TRIM13: variants seen among roughly 807,000 people sequenced by gnomAD.
TRIM13 encodes tripartite motif containing 13.
TRIM13 carries 15 observed loss-of-function variants against 27.1 expected under a neutral mutation model. The observed-to-expected ratio is 0.55, with a 90% CI of 0.37 to 0.85. TRIM13 has a LOEUF of 0.85. Ranked by LOEUF, TRIM13 falls within the 40% of genes least tolerant of loss-of-function variation. The pLI is 0.00. For synonymous variants in TRIM13, 193 were observed against 171.5 expected (o/e 1.13, Z -0.98); for missense variants, 402 against 472.2 (o/e 0.85, Z 1.38).
chr13:50,012,624 G>A lies in TRIM13; in HGVS notation c.684G>A (p.Glu228=), dbSNP rs1875794613. 1 of 1,614,028 alleles carries A rather than the reference G, an allele frequency of 6.2e-7. No homozygotes were observed. The highest frequency in any genetic ancestry group is 1.3e-5 in the African/African-American group (1 of 74,920). Residue 228 remains glutamate, a synonymous_variant, in exon 2 of 2, where the codon GAG becomes GAA. Transcript: ENST00000378182. ...EINKLNTILQ[E]QRMAFNIAEA... ...ACAAACTCAACACCATCTTGCAGGA[G>A]CAACGGATGGCCTTTAACATTGCTG...
At position 50,016,956 on chromosome 13, in the gene TRIM13, T is replaced by A. The variant is rs903901078; in HGVS notation, c.*3792T>A. On this transcript the variant is annotated 3_prime_UTR_variant, in exon 2 of 2. Coordinates refer to ENST00000378182, the MANE Select transcript of TRIM13 (RefSeq NM_213590.3). ...CAGGAAGGATACCAGTGTCTCTCTC[T>A]CTTAGCGACACACTCCTTGGTCTTG... 10 of 166,770 alleles carry A rather than the reference T, an allele frequency of 6.0e-5. No homozygotes were observed. Among genetic ancestry groups the A allele is most frequent in the African/African-American group, 2.4e-4 (10 of 41,338 alleles). 10.3% of individuals were successfully genotyped at this position (166,770 alleles called of 1,614,324 possible). A position where few individuals can be genotyped will look rare whatever the true frequency, so the allele number is the denominator to read the frequency against.
At position 50,014,019 on chromosome 13, in the gene TRIM13, A is replaced by G. The variant is rs1182750733; in HGVS notation, c.*855A>G. 1 of 166,904 alleles carries G rather than the reference A, an allele frequency of 6.0e-6. No individual in the cohort carries two copies. Among genetic ancestry groups the G allele is most frequent in the Non-Finnish European group, 1.5e-5 (1 of 68,084 alleles). 10.3% of individuals were successfully genotyped at this position (166,904 alleles called of 1,614,324 possible). On this transcript the variant is annotated 3_prime_UTR_variant, in exon 2 of 2. Transcript: ENST00000378182. ...ATTATCACCAAAATGTGAATGGTAC[A>G]TACAAAACCTGGCATTTTCTTGTGA... is the stretch of plus-strand genomic sequence containing the variant.
At position 50,015,980 on chromosome 13, in the gene TRIM13, T is replaced by G. The variant is rs780484453; in HGVS notation, c.*2816T>G. 1.4e-5 allele frequency: 22 copies of G among 1,614,006 alleles called. No individual in the cohort carries two copies. Among genetic ancestry groups the G allele is most frequent in the Non-Finnish European group, 1.9e-5 (22 of 1,179,946 alleles). ...TAACTTTTTCCCTCCTCAGATGACC[T>G]TACTTCCACTGCCTCCACAAAGACC... On this transcript the variant is annotated 3_prime_UTR_variant, in exon 2 of 2. Transcript: ENST00000378182.
In TRIM13 at chr13:50,016,202, G is replaced by C; in HGVS notation, c.*3038G>C. 1 of 673,376 alleles carries C rather than the reference G, an allele frequency of 1.5e-6. No homozygotes were observed. The highest frequency in any genetic ancestry group is 2.5e-6 in the Non-Finnish European group (1 of 394,798). 41.7% of individuals were successfully genotyped at this position (673,376 alleles called of 1,614,324 possible). On this transcript the variant is annotated 3_prime_UTR_variant, in exon 2 of 2. Transcript: ENST00000378182. The stretch of plus-strand genomic sequence containing the variant: ...AAATAATGTTTTGGGGTAACCAGTG[G>C]AGTTGGGTAGAATGACCAAATAATT...
rs1022085105 is a variant in TRIM13, at chr13:50,015,258, C to G, written c.*2094C>G. On this transcript the variant is annotated 3_prime_UTR_variant, in exon 2 of 2. Coordinates refer to ENST00000378182, the MANE Select transcript of TRIM13 (RefSeq NM_213590.3). ...GCAGTTTTCCTTAAGCTATTTAGTT[C>G]CTCATCTGTTGCTTTTTCATTTTGT... The G allele has an allele frequency of 2.6e-6, 1 of 386,860 alleles. No individual in the cohort carries two copies. The highest frequency in any genetic ancestry group is 2.1e-5 in the African/African-American group (1 of 47,312). The allele number at this position is 386,860 out of a possible 1,614,324, so 24.0% of individuals were successfully genotyped here. A position where few individuals can be genotyped will look rare whatever the true frequency, so the allele number is the denominator to read the frequency against.
rs1387798738 is a variant in TRIM13 at position 50,015,024 on chromosome 13, C to T, written c.*1860C>T. On this transcript the variant is annotated 3_prime_UTR_variant, in exon 2 of 2. Coordinates refer to ENST00000378182, the MANE Select transcript of TRIM13 (RefSeq NM_213590.3). The stretch of plus-strand genomic sequence containing the variant: ...TAAGAAAAACGTTTAAGTCTAGCCT[C>T]TGCGTGGTAGACAGGTATGGGGAGG... The T allele has an allele frequency of 6.3e-6, 1 of 158,778 alleles. No homozygotes were observed. Among genetic ancestry groups the T allele is most frequent in the Non-Finnish European group, 1.5e-5 (1 of 66,948 alleles). The allele number at this position is 158,778 out of a possible 1,614,324, so 9.8% of individuals were successfully genotyped here.
rs1555325057 is a variant in TRIM13 at position 50,014,344 on chromosome 13, A to AAAAAAAAAAATATAT, written c.*1181_*1182insAAAAAAAAATATATA. On this transcript the variant is annotated 3_prime_UTR_variant, in exon 2 of 2. Coordinates refer to ENST00000378182, the MANE Select transcript of TRIM13 (RefSeq NM_213590.3). The stretch of plus-strand genomic sequence containing the variant: ...AAAAAAAAAAAAAAAAAAAAAAAAA[A>AAAAAAAAAAATATAT]ATATATATATATATATACACACACA... 3 of 19,728 alleles carry AAAAAAAAAAATATAT rather than the reference A, an allele frequency of 1.5e-4. No homozygotes were observed. Among genetic ancestry groups the AAAAAAAAAAATATAT allele is most frequent in the Non-Finnish European group, 2.5e-4 (3 of 12,100 alleles). The allele number at this position is 19,728 out of a possible 1,614,324, so 1.2% of individuals were successfully genotyped here. A position where few individuals can be genotyped will look rare whatever the true frequency, so the allele number is the denominator to read the frequency against.
chr13:50,009,754 AAAAAC>A (rs1566438922), intron 1 of TRIM13, among the ~76,000 whole-genome samples: 1 of 139,866 alleles, frequency 7.1e-6, no homozygotes, highest in Non-Finnish European at 1.6e-5. Context: ...AAAAAAAAAA[AAAAAC>A]AACAACAACA....
intron 1 of TRIM13, among the ~76,000 whole-genome samples, chr13:50,007,488 CA>C (rs1469454855): frequency 0.015 from 961 of 64,364 alleles, 1 homozygote; most frequent in Middle Eastern, 0.032. Flanking sequence ...GACTCTGTCT[CA>C]AAAAAAAAAA....
chr13:50,010,194 G>A (rs923077125), intron 1 of TRIM13, among the ~76,000 whole-genome samples: 6 of 151,986 alleles, frequency 3.9e-5, no homozygotes, highest in South Asian at 2.1e-4. Context: ...GACTACAGGC[G>A]CATGCCACCA....
Position 50,014,344 on chromosome 13 carries a change from A to AAAAAAACT in TRIM13, c.*1181_*1182insAAAAACTA, listed in dbSNP as rs1555325057. ...AAAAAAAAAAAAAAAAAAAAAAAAA[A>AAAAAAACT]ATATATATATATATATACACACACA... On this transcript the variant is annotated 3_prime_UTR_variant, in exon 2 of 2. Transcript: ENST00000378182. 5.1e-5 allele frequency: 1 copy of AAAAAAACT among 19,718 alleles called. No individual in the cohort carries two copies. The highest frequency in any genetic ancestry group is 8.3e-5 in the Non-Finnish European group (1 of 12,100). 1.2% of individuals were successfully genotyped at this position (19,718 alleles called of 1,614,324 possible).
At position 50,016,827 on chromosome 13, in the gene TRIM13, C is replaced by T. The variant is rs1334403205; in HGVS notation, c.*3663C>T. The T allele has an allele frequency of 6.0e-6, 1 of 165,916 alleles. No homozygotes were observed. The highest frequency in any genetic ancestry group is 2.4e-5 in the African/African-American group (1 of 41,098). 10.3% of individuals were successfully genotyped at this position (165,916 alleles called of 1,614,324 possible). On this transcript the variant is annotated 3_prime_UTR_variant, in exon 2 of 2. Transcript: ENST00000378182. ...TAATTTTTAGGAGGAAAAGAAAAGC[C>T]TGCATGTGTTCTTTATTGGTATCAT...
At position 50,017,481 on chromosome 13, in the gene TRIM13, C is replaced by A. The variant is rs566129746; in HGVS notation, c.*4317C>A. On this transcript the variant is annotated 3_prime_UTR_variant, in exon 2 of 2. Coordinates refer to ENST00000378182, the MANE Select transcript of TRIM13 (RefSeq NM_213590.3). Reference sequence around the variant, plus strand: ...CCCTTTTTATGTTGTGTTTTAGAAACAGCACGAAAGTTTTTTCCATTTTAA... The same window carrying A: ...CCCTTTTTATGTTGTGTTTTAGAAAAAGCACGAAAGTTTTTTCCATTTTAA... 37 of 167,062 alleles carry A rather than the reference C, an allele frequency of 2.2e-4. No homozygotes were observed. Among genetic ancestry groups the A allele is most frequent in the Non-Finnish European group, 5.0e-4 (34 of 68,094 alleles). The allele number at this position is 167,062 out of a possible 1,614,324, so 10.3% of individuals were successfully genotyped here.
intron 1 of TRIM13, among the ~76,000 whole-genome samples, chr13:50,010,040 CTTTTTTT>C (rs760914119): frequency 9.5e-4 from 111 of 117,138 alleles, no homozygotes; most frequent in Admixed American, 2.7e-3. Flanking sequence ...GTAATTTAAT[CTTTTTTT>C]TTTTTTTTTT....
rs1566442621 is a variant in TRIM13 at position 50,013,074 on chromosome 13, GTTT to G, written c.1137_1139del (p.Phe380del). ...TTTACTGGGAACAGGTGACAGATGG[GTTT>G]TTCATTTTCAATGAAAGATTCAAGA... On this transcript the variant is annotated inframe_deletion, in exon 2 of 2. Coordinates refer to ENST00000378182, the MANE Select transcript of TRIM13 (RefSeq NM_213590.3). 6.2e-7 allele frequency: 1 copy of G among 1,613,392 alleles called. No homozygotes were observed. Among genetic ancestry groups the G allele is most frequent in the South Asian group, 1.1e-5 (1 of 90,850 alleles).
At chr13:50,010,612 C>CAT (rs1239351983) in intron 1 of TRIM13, among the ~76,000 whole-genome samples, 1 of 152,154 alleles carries the variant, frequency 6.6e-6, no homozygotes, top group African/African-American at 2.4e-5. Context: ...TATCACTGCC[C>CAT]ATCTCATCAT....
At position 50,015,660 on chromosome 13, in the gene TRIM13, A is replaced by T. The variant is rs1876447697; in HGVS notation, c.*2496A>T. On this transcript the variant is annotated 3_prime_UTR_variant, in exon 2 of 2. Coordinates refer to ENST00000378182, the MANE Select transcript of TRIM13 (RefSeq NM_213590.3). ...CAGATTTTTGTAGACAGAGATGGTG[A>T]TTTGTTTAGTTTCATCTTAGATTTT... 3 of 1,613,986 alleles carry T rather than the reference A, an allele frequency of 1.9e-6. No homozygotes were observed. The highest frequency in any genetic ancestry group is 2.5e-6 in the Non-Finnish European group (3 of 1,179,990).
At chr13:49,999,161 C>G (rs1489880829) in intron 1 of TRIM13, among the ~76,000 whole-genome samples, 1 of 151,356 alleles carries the variant, frequency 6.6e-6, no homozygotes, top group African/African-American at 2.4e-5. Context: ...TTGGCGATCA[C>G]TAGGTAAAAC....
rs1876300387 is a variant in TRIM13 at position 50,015,094 on chromosome 13, A to ATT, written c.*1930_*1931insTT. The ATT allele has an allele frequency of 5.9e-5, 1 of 16,868 alleles. No homozygotes were observed. Among genetic ancestry groups the ATT allele is most frequent in the African/African-American group, 1.8e-4 (1 of 5,540 alleles). The allele number at this position is 16,868 out of a possible 1,614,324, so 1.0% of individuals were successfully genotyped here. A position where few individuals can be genotyped will look rare whatever the true frequency, so the allele number is the denominator to read the frequency against. On this transcript the variant is annotated 3_prime_UTR_variant, in exon 2 of 2. Transcript: ENST00000378182. Reference sequence around the variant, plus strand: ...CAGTAATAAAAAAAAAAAAAAAAAAAATATATATATATATATATATATATA... The same window carrying ATT: ...CAGTAATAAAAAAAAAAAAAAAAAAATTATATATATATATATATATATATATA...
Sources: allele counts gnomAD v4.1 joint callset (sites outside exome capture counted in the v4.1 genomes callset), GRCh38; gene constraint gnomAD v4.1.1; transcripts MANE v1.5; gene names NCBI Gene and HGNC (gene_info 2026-07-23, HGNC 2026-07-21).